Variants in MTFMT observed in about 807,000 individuals in gnomAD.
MTFMT encodes the protein methionyl-tRNA formyltransferase, mitochondrial.
In MTFMT, 47 loss-of-function variants were observed where a neutral mutation model predicts 51.8. The ratio of observed to expected loss-of-function variants is 0.91; its 90% confidence interval spans 0.72 to 1.16. MTFMT has a LOEUF of 1.16. MTFMT is among the 50% of genes most tolerant of loss of function. The pLI is 0.00. For synonymous variants in MTFMT, 196 were observed against 176.7 expected (o/e 1.11, Z -0.87); for missense variants, 512 against 482.3 (o/e 1.06, Z -0.58).
In MTFMT at chr15:65,017,416, T is replaced by C. The variant is rs148607295; in HGVS notation, c.722-889A>G. On this transcript the variant is annotated intron_variant, in intron 5 of 8. Coordinates refer to ENST00000220058, the MANE Select transcript of MTFMT (RefSeq NM_139242.4). ...CATGTGCCTGTTATCTTCCTAATCT[T>C]ACTATTATTTGAAATAGCAAAAGAT... Among the ~76,000 whole-genome samples the C allele has an allele frequency of 2.7e-3, 413 of 152,346 alleles. 1 individual carries two copies. Among genetic ancestry groups the C allele is most frequent in the African/African-American group, 9.3e-3 (387 of 41,572 alleles).
At position 65,003,107 on chromosome 15, in the gene MTFMT, C is replaced by T. The variant is rs1328904321; in HGVS notation, c.1125G>A (p.Lys375=). Reference sequence around the variant, plus strand: ...TAGCAACAGTTTTTTTCTGCTTCTTCTTTGTTGGAAGTCTGAGAGTCTGAA... The same window carrying T: ...TAGCAACAGTTTTTTTCTGCTTCTTTTTTGTTGGAAGTCTGAGAGTCTGAA... ...CRFQTLRLPT[K]KKQKKTVAMQ... The change falls in exon 9 of 9, where the codon AAG becomes AAA. Residue 375 remains lysine, a synonymous_variant. Coordinates refer to ENST00000220058, the MANE Select transcript of MTFMT (RefSeq NM_139242.4). The T allele has an allele frequency of 6.2e-6, 10 of 1,607,670 alleles. No individual in the cohort carries two copies. In the South Asian group the frequency reaches 1.0e-4, roughly 16 times the overall value.
chr15:65,007,933 T>G (rs1205605195), intron 6 of MTFMT, among the ~76,000 whole-genome samples: 1 of 152,196 alleles, frequency 6.6e-6, no homozygotes, highest in Non-Finnish European at 1.5e-5. Flanking sequence ...TTTTTTATTT[T>G]CATAATTATA....
intron 2 of MTFMT, among the ~76,000 whole-genome samples, chr15:65,023,999 T>C (rs1436226183): frequency 6.6e-6 from 1 of 152,192 alleles, no homozygotes; most frequent in African/African-American, 2.4e-5. Context: ...TGACATTTAA[T>C]TAAAAACAGA....
At chr15:65,029,290 C>G (rs1269900703) in intron 1 of MTFMT, 115 bp downstream of exon 1, 1 of 1,323,982 alleles carries the variant, frequency 7.6e-7, no homozygotes, top group Non-Finnish European at 9.6e-7. Flanking sequence ...TGGGCCCACA[C>G]CGCTCTGCCG....
At chr15:65,007,538 T>A (rs117672696) in intron 6 of MTFMT, among the ~76,000 whole-genome samples, 3,431 of 152,342 alleles carry the variant, frequency 0.023, 40 homozygotes, top group Non-Finnish European at 0.035. Context: ...TGTCGATATA[T>A]CTTTGAGGGC....
chr15:65,025,440 T>G (rs2086414489), intron 2 of MTFMT, among the ~76,000 whole-genome samples: 1 of 151,898 alleles, frequency 6.6e-6, no homozygotes, highest in African/African-American at 2.4e-5. Context: ...AATAAATACA[T>G]TTTGGCTGCT....
At position 65,002,374 on chromosome 15, in the gene MTFMT, GC is replaced by G. The variant is rs2086183408; in HGVS notation, c.*687del. 1 of 152,064 alleles carries G rather than the reference GC, an allele frequency of 6.6e-6. No homozygotes were observed. The highest frequency in any genetic ancestry group is 2.4e-5 in the African/African-American group (1 of 41,372). 9.4% of individuals were successfully genotyped at this position (152,064 alleles called of 1,614,324 possible). Reference sequence around the variant, plus strand: ...GCTGACATCACGCCACTGCACTCCAGCCTGGGCCACAGAACAAGACTCCGTC... The same window carrying G: ...GCTGACATCACGCCACTGCACTCCAGCTGGGCCACAGAACAAGACTCCGTC... On this transcript the variant is annotated 3_prime_UTR_variant, in exon 9 of 9. Coordinates refer to ENST00000220058, the MANE Select transcript of MTFMT (RefSeq NM_139242.4).
chr15:65,023,848 C>T, intron 2 of MTFMT, 54 bp from the exon 3 acceptor site: 2 of 1,493,900 alleles, frequency 1.3e-6, no homozygotes, highest in South Asian at 1.3e-5. Context: ...CACTTCGTTA[C>T]CACTACCTAA....
chr15:65,024,901 A>G (rs923002643), intron 2 of MTFMT, among the ~76,000 whole-genome samples: 1 of 152,224 alleles, frequency 6.6e-6, no homozygotes, highest in African/African-American at 2.4e-5. Context: ...GAACATGAAG[A>G]AGGAAATAAC....
intron 1 of MTFMT, among the ~76,000 whole-genome samples, chr15:65,027,498 TCA>T (rs2086435914): frequency 1.3e-5 from 2 of 152,134 alleles, no homozygotes; most frequent in Non-Finnish European, 2.9e-5. Flanking sequence ...GTGCCCAGCC[TCA>T]GTTTTCATTT....
intron 6 of MTFMT, among the ~76,000 whole-genome samples, chr15:65,013,217 G>A (rs933784105): frequency 6.6e-6 from 1 of 151,872 alleles, no homozygotes; most frequent in Admixed American, 6.6e-5. Flanking sequence ...TGAGAGCGCA[G>A]ACATCTTTAT....
At chr15:65,014,139 T>C (rs1230434552) in intron 6 of MTFMT, among the ~76,000 whole-genome samples, 1 of 152,132 alleles carries the variant, frequency 6.6e-6, no homozygotes, top group Non-Finnish European at 1.5e-5. Flanking sequence ...GGTTTTGTAC[T>C]AGCTGTTCCT....
intron 6 of MTFMT, among the ~76,000 whole-genome samples, chr15:65,011,793 GCCTA>G (rs1453044638): frequency 4.6e-5 from 7 of 151,996 alleles, no homozygotes; most frequent in African/African-American, 7.2e-5. Context: ...ACCATGCCTG[GCCTA>G]CCTGTCTTTT....
At position 65,004,891 on chromosome 15, in the gene MTFMT, T is replaced by C. The variant is rs2086209056; in HGVS notation, c.938A>G (p.Tyr313Cys). ...GQALIPGSVIYHKQSQILLVY... is the reference protein window; with the variant it reads ...GQALIPGSVICHKQSQILLVY... ...CAATAGTATTTGTGACTGTTTGTGG[T>C]ATATTACTGATCCTGGAATAAGAGC... is the stretch of plus-strand genomic sequence containing the variant. The change falls in exon 8 of 9, where the codon TAC becomes TGC. Residue 313 changes from tyrosine (Y) to cysteine (C), a missense_variant. Transcript: ENST00000220058. The C allele has an allele frequency of 6.2e-7, 1 of 1,611,682 alleles. No individual in the cohort carries two copies. Among genetic ancestry groups the C allele is most frequent in the Non-Finnish European group, 8.5e-7 (1 of 1,178,330 alleles).
intron 2 of MTFMT, 85 bp downstream of exon 2, chr15:65,026,746 A>G: frequency 9.9e-7 from 1 of 1,013,418 alleles, no homozygotes; most frequent in Non-Finnish European, 1.5e-6. Context: ...GAAAGCATAG[A>G]GTTCAAATTA....
chr15:65,026,130 C>G (rs949753405), intron 2 of MTFMT: 1 of 153,816 alleles, frequency 6.5e-6, no homozygotes, highest in Non-Finnish European at 1.5e-5. Flanking sequence ...GAAAACTTAA[C>G]AATCTTTGAT....
chr15:65,015,555 G>C (rs750054748), intron 6 of MTFMT, among the ~76,000 whole-genome samples: 10 of 152,112 alleles, frequency 6.6e-5, no homozygotes, highest in Non-Finnish European at 1.0e-4. Flanking sequence ...CCACACACTT[G>C]GCCAGGCACA....
At chr15:65,019,544 TAAG>T (rs1447967606) in intron 5 of MTFMT, among the ~76,000 whole-genome samples, 1 of 151,886 alleles carries the variant, frequency 6.6e-6, no homozygotes, top group Admixed American at 6.6e-5. Context: ...ATAGGAAATA[TAAG>T]AGATAGGGAA....
chr15:65,028,330 T>C (rs560302759), intron 1 of MTFMT, among the ~76,000 whole-genome samples: 1 of 152,330 alleles, frequency 6.6e-6, no homozygotes, highest in Admixed American at 6.5e-5. Flanking sequence ...ATGGGATGAT[T>C]GCTTGATCTT....
Sources: gnomAD v4.1 joint callset for allele counts (sites outside exome capture counted in the v4.1 genomes callset) on GRCh38, gnomAD v4.1.1 for gene constraint, MANE v1.5 for transcripts, NCBI Gene and HGNC (gene_info 2026-07-23, HGNC 2026-07-21) for gene names.